The following SLC45A2 variants were observed in gnomAD, a reference collection of about 807,000 sequenced individuals.
The protein encoded by SLC45A2 is membrane-associated transporter protein.
Under a neutral mutation model 45.5 loss-of-function variants are expected in SLC45A2, and 36 were observed. The ratio of observed to expected loss-of-function variants is 0.79; its 90% CI spans 0.61 to 1.04. SLC45A2 has a LOEUF of 1.04. Ranked by LOEUF, SLC45A2 falls within the 50% of genes least tolerant of loss-of-function variation. The pLI is 0.00. For synonymous variants in SLC45A2, 306 were observed against 269.3 expected (o/e 1.14, Z -1.33); for missense variants, 719 against 671.0 (o/e 1.07, Z -0.79).
At chr5:33,974,089 C>T (rs1406332594) in intron 2 of SLC45A2, among the ~76,000 whole-genome samples, 1 of 152,192 alleles carries the variant, frequency 6.6e-6, no homozygotes, top group South Asian at 2.1e-4. Context: ...CTTGGTTAGA[C>T]TCCCTGGGCA....
Position 33,984,618 on chromosome 5 carries a change from C to A in SLC45A2, c.-35G>T, listed in dbSNP as rs1446748306. 1 of 1,604,154 alleles carries A rather than the reference C, an allele frequency of 6.2e-7. No homozygotes were observed. ...GAGAGGAACCTTCCTGCGAGCCCAC[C>A]ACCTCCTGCGTGGTCCTAGGGTCTG... On this transcript the variant is annotated 5_prime_UTR_variant, in exon 1 of 7. Transcript: ENST00000296589.
intron 3 of SLC45A2, among the ~76,000 whole-genome samples, chr5:33,955,068 A>G (rs1752235455): frequency 6.6e-6 from 1 of 152,232 alleles, no homozygotes; most frequent in Non-Finnish European, 1.5e-5. Flanking sequence ...ACCAAATTCC[A>G]TGAGCCCTTG....
intron 2 of SLC45A2, among the ~76,000 whole-genome samples, chr5:33,979,420 G>A (rs746291711): frequency 6.6e-6 from 1 of 152,234 alleles, no homozygotes; most frequent in Non-Finnish European, 1.5e-5. Context: ...GCAGGCTTCA[G>A]AGAGAATAGA....
chr5:33,954,249 T>C, intron 4 of SLC45A2, 112 bp downstream of exon 4: 1 of 1,471,364 alleles, frequency 6.8e-7, no homozygotes, highest in Non-Finnish European at 9.4e-7. Flanking sequence ...ATGGTACCCT[T>C]TCCTACATTC....
chr5:33,944,675 G>T lies in SLC45A2; in HGVS notation c.1566C>A (p.Val522=), dbSNP rs762123246. The change falls in exon 7 of 7, where the codon GTC becomes GTA. Residue 522 remains valine (V), a synonymous_variant. Coordinates refer to ENST00000296589, the MANE Select transcript of SLC45A2 (RefSeq NM_016180.5). ...SAVALIGCCF[V]ALFVRYVD ...AATCCACATATCTAACAAAGAGAGCGACAAAGCAACAGCCTATCAGTGCCA... is the reference window on the plus strand; with the variant it reads ...AATCCACATATCTAACAAAGAGAGCTACAAAGCAACAGCCTATCAGTGCCA... 6.2e-6 allele frequency: 10 copies of T among 1,614,160 alleles called. No individual in the cohort carries two copies. The highest frequency in any genetic ancestry group is 1.6e-4 in the Middle Eastern group (1 of 6,062).
intron 3 of SLC45A2, among the ~76,000 whole-genome samples, chr5:33,956,534 A>T (rs183361151): frequency 9.2e-5 from 14 of 152,298 alleles, no homozygotes; most frequent in Admixed American, 8.5e-4. Flanking sequence ...TTACTATGAG[A>T]GTGTTTTGAG....
chr5:33,956,428 A>C (rs1752277934), intron 3 of SLC45A2, among the ~76,000 whole-genome samples: 1 of 146,480 alleles, frequency 6.8e-6, no homozygotes, highest in South Asian at 2.1e-4. Flanking sequence ...AAAAGCAGAC[A>C]GGTCAAGAGA....
At chr5:33,979,564 C>A (rs1753016229) in intron 2 of SLC45A2, among the ~76,000 whole-genome samples, 1 of 152,182 alleles carries the variant, frequency 6.6e-6, no homozygotes, top group African/African-American at 2.4e-5. Context: ...GACAGCTTTT[C>A]AGGGCCATTT....
chr5:33,978,890 T>A (rs1413579960), intron 2 of SLC45A2, among the ~76,000 whole-genome samples: 1 of 152,182 alleles, frequency 6.6e-6, no homozygotes, highest in Non-Finnish European at 1.5e-5. Flanking sequence ...CCATCAACAG[T>A]ACTAAAGCTC....
chr5:33,963,972 C>T lies in SLC45A2; in HGVS notation c.607G>A (p.Ala203Thr). 6.2e-7 allele frequency: 1 copy of T among 1,614,088 alleles called. No individual in the cohort carries two copies. Among genetic ancestry groups the T allele is most frequent in the Admixed American group, 1.7e-5 (1 of 60,008 alleles). Residue 203 changes from alanine (A) to threonine (T), a missense_variant, in exon 3 of 7, where the codon GCC (alanine) becomes ACC (threonine). Coordinates refer to ENST00000296589, the MANE Select transcript of SLC45A2 (RefSeq NM_016180.5). Reference sequence around the variant, plus strand: ...AACAGTCTTCCCAGCTCCAGATGGGCCCAGTCTATAGCACCCAAAAGGTAA... The same window carrying T: ...AACAGTCTTCCCAGCTCCAGATGGGTCCAGTCTATAGCACCCAAAAGGTAA... ...LGYLLGAIDW[A>T]HLELGRLLGT... is the part of the protein sequence containing the mutation.
chr5:33,967,678 G>A (rs1158855313), intron 2 of SLC45A2, among the ~76,000 whole-genome samples: 1 of 151,936 alleles, frequency 6.6e-6, no homozygotes, highest in Non-Finnish European at 1.5e-5. Context: ...TGCCTGGTAG[G>A]GAAATTACTC....
intron 4 of SLC45A2, 97 bp from the exon 5 acceptor site, chr5:33,951,774 C>T (rs1561357228): frequency 1.3e-6 from 2 of 1,490,082 alleles, no homozygotes; most frequent in Non-Finnish European, 1.9e-6. Context: ...GCAAATGTCC[C>T]TGCCTGAGGG....
intron 2 of SLC45A2, among the ~76,000 whole-genome samples, chr5:33,969,097 G>GTGTA (rs60255178): frequency 1.4e-5 from 2 of 141,108 alleles, no homozygotes; most frequent in East Asian, 2.1e-4. Context: ...GTGTGTGTGT[G>GTGTA]GTGTCCTTGA....
At chr5:33,983,074 A>AG (rs921524299) in intron 1 of SLC45A2, among the ~76,000 whole-genome samples, 36 of 152,308 alleles carry the variant, frequency 2.4e-4, no homozygotes, top group African/African-American at 6.7e-4. Flanking sequence ...GTGGGCCTGA[A>AG]GGGGGCCCGA....
intron 6 of SLC45A2, 185 bp downstream of exon 6, chr5:33,946,978 C>A: frequency 6.5e-7 from 1 of 1,534,596 alleles, no homozygotes; most frequent in Non-Finnish European, 8.7e-7. Flanking sequence ...GACAGGACAG[C>A]TGGGCTGGGC....
In SLC45A2 at chr5:33,976,799, T is replaced by C. The variant is rs182630290; in HGVS notation, c.562+5437A>G. Among the ~76,000 whole-genome samples, 489 of 152,302 alleles carry C rather than the reference T, an allele frequency of 3.2e-3. 3 individuals carry two copies. The highest frequency in any genetic ancestry group is 0.011 in the African/African-American group (465 of 41,550). The stretch of plus-strand genomic sequence containing the variant: ...TGAAAATTCTAGAATATCTTCATTA[T>C]GCAAAGAAGGAAAACAAAAGGGATT... On this transcript the variant is annotated intron_variant, in intron 2 of 6. Coordinates refer to ENST00000296589, the MANE Select transcript of SLC45A2 (RefSeq NM_016180.5).
rs754221547 is a variant in SLC45A2, at chr5:33,963,786, T to A, written c.793A>T (p.Met265Leu). 1.5e-5 allele frequency: 25 copies of A among 1,614,186 alleles called. No individual in the cohort carries two copies. Among genetic ancestry groups the A allele is most frequent in the Non-Finnish European group, 1.9e-5 (22 of 1,180,034 alleles). Residue 265 changes from methionine (M) to leucine (L), a missense_variant, in exon 3 of 7, where the codon ATG becomes TTG. Transcript: ENST00000296589. ...PQDPPLSSDG[M>L]YEYGSIEKVK... ...TTCTCGATAGAACCATACTCGTACA[T>A]TCCATCTGATGACAATGGAGGGTCC... is the stretch of plus-strand genomic sequence containing the variant.
Position 33,984,319 on chromosome 5 carries a change from C to A in SLC45A2, c.265G>T (p.Gly89Ter). 6.2e-7 allele frequency: 1 copy of A among 1,614,118 alleles called. No homozygotes were observed. ...GACCGGCAGTGGTCGCTGGCCGATC[C>A]GACCACGGGCTGCAGCAGGAATCCC... ...ILGFLLQPVV[G>*]SASDHCRSRW... Residue 89 changes from glycine to a stop codon, truncating the protein, a stop_gained, in exon 1 of 7, where the codon GGA becomes TGA. Coordinates refer to ENST00000296589, the MANE Select transcript of SLC45A2 (RefSeq NM_016180.5). LOFTEE classifies it high-confidence loss of function.
At chr5:33,968,525 C>A (rs554398883) in intron 2 of SLC45A2, among the ~76,000 whole-genome samples, 8 of 152,162 alleles carry the variant, frequency 5.3e-5, no homozygotes, top group African/African-American at 1.9e-4. Flanking sequence ...TCAAACTCAG[C>A]AGAATAAATG....
Sources: gnomAD v4.1 joint callset for allele counts (sites outside exome capture counted in the v4.1 genomes callset) on GRCh38, gnomAD v4.1.1 for gene constraint, MANE v1.5 for transcripts, NCBI Gene and HGNC (gene_info 2026-07-23, HGNC 2026-07-21) for gene names.